Variants in ACIN1 observed in about 807,000 individuals in gnomAD.
The protein encoded by ACIN1 is apoptotic chromatin condensation inducer 1.
In ACIN1, 16 loss-of-function variants were observed where a neutral mutation model predicts 146.6. That is an observed-to-expected ratio of 0.11 (90% CI 0.07 to 0.17). The LOEUF is 0.17. Among genes scored for constraint, ACIN1 ranks in the 10% least tolerant of loss-of-function variants. The probability of loss-of-function intolerance (pLI) is 1.00; values close to 1 mark genes in which losing one functional copy is unlikely to be tolerated. For missense variants in ACIN1, 1,357 were observed against 1,609.3 expected (o/e 0.84, Z 2.68); for synonymous variants, 569 against 582.7 (o/e 0.98, Z 0.34).
At chr14:23,069,641 T>TGGGGGGTGGGGGGGTGGGGGGGG in intron 8 of ACIN1, 24 bp from the exon 9 acceptor site, 1 of 309,218 alleles carries the variant, frequency 3.2e-6, no homozygotes, top group East Asian at 7.1e-5. Context: ...GGAGTGGTGG[T>TGGGGGGTGGGGGGGTGGGGGGGG]GGGGGGGCGG....
At chr14:23,083,587 C>A (rs1212295004) in intron 4 of ACIN1, among the ~76,000 whole-genome samples, 1 of 152,092 alleles carries the variant, frequency 6.6e-6, no homozygotes, top group Non-Finnish European at 1.5e-5. Flanking sequence ...AAAAAATTAG[C>A]CAGGCGTGGC....
chr14:23,090,507 A>C lies in ACIN1; in HGVS notation c.316+15T>G. On this transcript the variant is annotated intron_variant, in intron 3 of 18. Transcript: ENST00000605057. ...AATGACGAACTCCTTGTTAAAAGTGACAATCTGGGCTTACCTTCAAGTTCT... is the reference window on the plus strand; with the variant it reads ...AATGACGAACTCCTTGTTAAAAGTGCCAATCTGGGCTTACCTTCAAGTTCT... 1 of 1,611,274 alleles carries C rather than the reference A, an allele frequency of 6.2e-7. No homozygotes were observed. Among genetic ancestry groups the C allele is most frequent in the Non-Finnish European group, 8.5e-7 (1 of 1,177,600 alleles).
In ACIN1 at chr14:23,067,522, G is replaced by C; in HGVS notation, c.2266-1514C>G. On this transcript the variant is annotated intron_variant, in intron 9 of 18. Transcript: ENST00000605057. The surrounding 1 kb of genome is among the most constrained non-coding windows in gnomAD (Gnocchi z 4.6). ...GGGGGGGCGGGAGGGAAACGTGTGG[G>C]GGGACGCTGCCCAGTTTCCATGATG... is the stretch of plus-strand genomic sequence containing the variant. 1.0e-6 allele frequency: 1 copy of C among 985,772 alleles called. No homozygotes were observed. Among genetic ancestry groups the C allele is most frequent in the Non-Finnish European group, 1.2e-6 (1 of 830,148 alleles). The allele number at this position is 985,772 out of a possible 1,614,324, so 61.1% of individuals were successfully genotyped here. A position where few individuals can be genotyped will look rare whatever the true frequency, so the allele number is the denominator to read the frequency against.
In ACIN1 at chr14:23,081,792, C is replaced by T; in HGVS notation, c.481G>A (p.Glu161Lys). 1 of 1,613,178 alleles carries T rather than the reference C, an allele frequency of 6.2e-7. No homozygotes were observed. Among genetic ancestry groups the T allele is most frequent in the Non-Finnish European group, 8.5e-7 (1 of 1,179,936 alleles). The change falls in exon 5 of 19, where the codon GAG (glutamate) becomes AAG (lysine). Residue 161 changes from glutamate (E) to lysine (K), a missense_variant. Glu to Lys is a moderately conservative substitution (Grantham distance 56). Transcript: ENST00000605057. ...ISEEKGDSDD[E>K]KPRKGERRSS... ...CGTCTTTCTCCTTTCCTTGGTTTCT[C>T]ATCATCAGAGTCACCTTTCTCTTCA...
intron 4 of ACIN1, among the ~76,000 whole-genome samples, chr14:23,089,205 T>C (rs2048164079): frequency 6.6e-6 from 1 of 152,162 alleles, no homozygotes; most frequent in African/African-American, 2.4e-5. Context: ...CATACCCAGC[T>C]AATTTTTATA....
At position 23,068,231 on chromosome 14, in the gene ACIN1, C is replaced by T. The variant is rs1182619704; in HGVS notation, c.2265+1245G>A. ...CTCAGTGTTTTACAGCATGGCACTG[C>T]GATCACAAACTTTAGGAGGTCTTGG... On this transcript the variant is annotated intron_variant, in intron 9 of 18. Coordinates refer to ENST00000605057, the MANE Select transcript of ACIN1 (RefSeq NM_001386863.1). This position sits in a 1 kb window ranked among gnomAD's most constrained non-coding sequence, Gnocchi z 4.3. The T allele has an allele frequency of 1.1e-5, 11 of 985,738 alleles. No individual in the cohort carries two copies. Among genetic ancestry groups the T allele is most frequent in the African/African-American group, 3.5e-5 (2 of 57,218 alleles). 61.1% of individuals were successfully genotyped at this position (985,738 alleles called of 1,614,324 possible).
At chr14:23,095,390 T>C (rs767334215), upstream of ACIN1, 4 of 1,370,892 alleles carry the variant, frequency 2.9e-6, no homozygotes, top group Non-Finnish European at 4.0e-6. Context: ...TCGAATATAT[T>C]CGGAAACCCT....
chr14:23,090,206 T>A, intron 3 of ACIN1, 105 bp from the exon 4 acceptor site: 1 of 1,451,254 alleles, frequency 6.9e-7, no homozygotes, highest in Non-Finnish European at 9.2e-7. Flanking sequence ...GATACAGAGA[T>A]ACATACCAAA....
chr14:23,064,489 C>T lies in ACIN1; in HGVS notation c.2309-1G>A. 1 of 1,613,982 alleles carries T rather than the reference C, an allele frequency of 6.2e-7. No individual in the cohort carries two copies. Among genetic ancestry groups the T allele is most frequent in the Non-Finnish European group, 8.5e-7 (1 of 1,179,892 alleles). On this transcript the variant is annotated splice_acceptor_variant, in intron 10 of 18. Coordinates refer to ENST00000605057, the MANE Select transcript of ACIN1 (RefSeq NM_001386863.1). LOFTEE classifies it high-confidence loss of function. Reference sequence around the variant, plus strand: ...CCAGCTGGCACCCCCTTGGTAGCTGCTGTCCCCAAGAAATAGACCCAACAG... The same window carrying T: ...CCAGCTGGCACCCCCTTGGTAGCTGTTGTCCCCAAGAAATAGACCCAACAG...
chr14:23,063,635 T>A, intron 12 of ACIN1, 58 bp from the exon 13 acceptor site: 3 of 1,603,012 alleles, frequency 1.9e-6, no homozygotes, highest in Non-Finnish European at 2.6e-6. Flanking sequence ...GCATATTCTT[T>A]TCAGCCTCTG....
At chr14:23,063,830 T>G (rs1357567660) in intron 12 of ACIN1, among the ~76,000 whole-genome samples, 2 of 152,238 alleles carry the variant, frequency 1.3e-5, no homozygotes, top group Admixed American at 1.3e-4. Flanking sequence ...GCAGGCCACA[T>G]AGTTTGTTGC....
At chr14:23,069,406 T>C in intron 9 of ACIN1, 70 bp downstream of exon 9, 2 of 1,564,504 alleles carry the variant, frequency 1.3e-6, no homozygotes, top group East Asian at 2.3e-5. Context: ...GAGGGATCAC[T>C]AGAGTGCTCT....
chr14:23,064,221 C>G lies in ACIN1; in HGVS notation c.2479G>C (p.Glu827Gln). 1 of 1,614,168 alleles carries G rather than the reference C, an allele frequency of 6.2e-7. No individual in the cohort carries two copies. Among genetic ancestry groups the G allele is most frequent in the East Asian group, 2.2e-5 (1 of 44,886 alleles). ...IPDIKPLAGQ[E>Q]AVVDLHADDS... ...TCAGCATGAAGATCCACAACAGCCT[C>G]CTGCCCCGCCAGGGGTTTGATGTCG... The change falls in exon 12 of 19, where the codon GAG (glutamate) becomes CAG (glutamine). Residue 827 changes from glutamate to glutamine, a missense_variant. Transcript: ENST00000605057.
At chr14:23,069,652 G>GGGCCGCC in intron 8 of ACIN1, 35 bp from the exon 9 acceptor site, 2 of 577,960 alleles carry the variant, frequency 3.5e-6, no homozygotes, top group Non-Finnish European at 6.7e-6. Context: ...GGGGGGGCGG[G>GGGCCGCC]CAGAAAAGAA....
chr14:23,079,409 A>G, intron 6 of ACIN1, 138 bp downstream of exon 6: 2 of 1,406,230 alleles, frequency 1.4e-6, no homozygotes, highest in South Asian at 1.4e-5. Context: ...TGAAATGAGG[A>G]GAAAGTAATC....
At chr14:23,073,359 G>A (rs909089626) in intron 8 of ACIN1, among the ~76,000 whole-genome samples, 1 of 152,174 alleles carries the variant, frequency 6.6e-6, no homozygotes, top group Non-Finnish European at 1.5e-5. Context: ...CTAAATGCTT[G>A]CTAACCTAAA....
chr14:23,095,136 T>C lies in ACIN1; in HGVS notation c.-24A>G, dbSNP rs779464941. ...ATCTTGCGTGAGGTACTCGGGTCCG[T>C]CCCGACGGCTTCGGGCATCTTCGGT... On this transcript the variant is annotated 5_prime_UTR_variant, in exon 1 of 19. Transcript: ENST00000605057. 1.9e-6 allele frequency: 3 copies of C among 1,614,206 alleles called. No individual in the cohort carries two copies. In the South Asian group the frequency reaches 3.3e-5, roughly 18 times the overall value.
chr14:23,059,262 C>A lies in ACIN1; in HGVS notation c.3738G>T (p.Arg1246=), dbSNP rs1252055991. The A allele has an allele frequency of 6.2e-7, 1 of 1,610,948 alleles. No individual in the cohort carries two copies. The highest frequency in any genetic ancestry group is 8.5e-7 in the Non-Finnish European group (1 of 1,177,168). The change falls in exon 19 of 19, where the codon CGG becomes CGT. Residue 1246 remains arginine, a synonymous_variant. Coordinates refer to ENST00000605057, the MANE Select transcript of ACIN1 (RefSeq NM_001386863.1). ...CTCGTTCTCGGTCCCTTTCCCTATC[C>A]CGATCTCGGTCCCCCCTGTCCCGCT... is the stretch of plus-strand genomic sequence containing the variant. ...ERERDRGDRD[R]DRERDRERGR...
intron 8 of ACIN1, among the ~76,000 whole-genome samples, chr14:23,076,201 G>A (rs1381540286): frequency 2.0e-5 from 3 of 152,170 alleles, no homozygotes; most frequent in Admixed American, 6.5e-5. Flanking sequence ...CAATGCCTAT[G>A]GGTTTAGGCT....
Sources: allele counts gnomAD v4.1 joint callset (sites outside exome capture counted in the v4.1 genomes callset), GRCh38; gene constraint gnomAD v4.1.1; non-coding constraint Gnocchi (gnomAD v3.1); transcripts MANE v1.5; gene names NCBI Gene and HGNC (gene_info 2026-07-23, HGNC 2026-07-21).